The following SORCS3 variants were observed in gnomAD, a reference collection of about 807,000 sequenced individuals.
SORCS3 encodes VPS10 domain-containing receptor SorCS3.
In SORCS3, 57 loss-of-function variants were observed where a neutral mutation model predicts 146.3. The observed-to-expected ratio is 0.39, with a 90% CI of 0.31 to 0.49. The LOEUF (loss-of-function observed/expected upper bound fraction) is 0.49. SORCS3 is among the 20% of genes least tolerant of loss of function. The pLI, the probability that SORCS3 is intolerant of heterozygous loss-of-function variation, is 0.92. For synonymous variants in SORCS3, 653 were observed against 618.5 expected, an observed-to-expected ratio of 1.06 and a Z score of -0.83; for missense variants, 1,341 against 1,575.5, an observed-to-expected ratio of 0.85 and a Z score of 2.52.
chr10:104,659,589 C>T (rs2015675153), intron 1 of SORCS3, among the ~76,000 whole-genome samples: 1 of 152,142 alleles, frequency 6.6e-6, no homozygotes, highest in African/African-American at 2.4e-5. Context: ...AGGACCTGAT[C>T]TTGAATCTTA....
At chr10:105,160,469 A>G (rs1222196093) in intron 11 of SORCS3, among the ~76,000 whole-genome samples, 1 of 152,098 alleles carries the variant, frequency 6.6e-6, no homozygotes, top group African/African-American at 2.4e-5. Context: ...TCTACCAAAA[A>G]TACAAAAATT....
intron 18 of SORCS3, among the ~76,000 whole-genome samples, chr10:105,216,253 G>A (rs1463707996): frequency 6.6e-6 from 1 of 152,170 alleles, no homozygotes; most frequent in African/African-American, 2.4e-5. Context: ...TTCATCTGTA[G>A]AATGGGAATC....
intron 1 of SORCS3, among the ~76,000 whole-genome samples, chr10:104,826,426 A>G (rs1410822710): frequency 1.3e-5 from 2 of 152,242 alleles, no homozygotes; most frequent in Admixed American, 6.5e-5. Flanking sequence ...GTCCACCACA[A>G]TAAGGTGAAT....
chr10:104,955,232 T>C (rs1472728151), intron 3 of SORCS3, among the ~76,000 whole-genome samples: 1 of 152,164 alleles, frequency 6.6e-6, no homozygotes, highest in African/African-American at 2.4e-5. Context: ...TCCTGCAGAT[T>C]TCCCTATTCT....
At chr10:104,767,655 C>T (rs1392185019) in intron 1 of SORCS3, among the ~76,000 whole-genome samples, 4 of 133,610 alleles carry the variant, frequency 3.0e-5, no homozygotes, top group African/African-American at 1.1e-4. Flanking sequence ...TTCCACTCCC[C>T]GTTCCCCTTC....
chr10:105,163,932 C>T (rs940680333), intron 11 of SORCS3, among the ~76,000 whole-genome samples: 1 of 144,720 alleles, frequency 6.9e-6, no homozygotes, highest in South Asian at 2.2e-4. Flanking sequence ...CAGTTTTTCT[C>T]AGGCTCCTAT....
At chr10:105,219,968 A>C (rs1280437453) in intron 19 of SORCS3, among the ~76,000 whole-genome samples, 1 of 152,132 alleles carries the variant, frequency 6.6e-6, no homozygotes, top group East Asian at 1.9e-4. Context: ...TCATGGCTGC[A>C]TTTTCCAGAT....
Position 104,802,341 on chromosome 10 carries a change from AG to A in SORCS3, c.628-40448del, listed in dbSNP as rs1260718524. Among the ~76,000 whole-genome samples the A allele has an allele frequency of 2.0e-5, 3 of 152,236 alleles. No homozygotes were observed. In the East Asian group the frequency reaches 5.8e-4, roughly 29 times the overall value. On this transcript the variant is annotated intron_variant, in intron 1 of 26. Coordinates refer to ENST00000369701, the MANE Select transcript of SORCS3 (RefSeq NM_014978.3). ...AGCCACAACAAAGATGAGATTTTAT[AG>A]GGTTTATACAAAGTTGATTTTTCAA...
chr10:104,748,605 C>T (rs2016943169), intron 1 of SORCS3, among the ~76,000 whole-genome samples: 1 of 152,148 alleles, frequency 6.6e-6, no homozygotes, highest in Non-Finnish European at 1.5e-5. Flanking sequence ...GTAATCCCAG[C>T]ACTTTGGGAG....
chr10:104,975,624 C>G (rs2054891607), intron 3 of SORCS3, among the ~76,000 whole-genome samples: 1 of 152,158 alleles, frequency 6.6e-6, no homozygotes, highest in African/African-American at 2.4e-5. Context: ...GCCAAAAGAA[C>G]AAAGCTGGAG....
At chr10:105,247,144 G>C in intron 21 of SORCS3, 75 bp from the exon 22 acceptor site, 1 of 681,496 alleles carries the variant, frequency 1.5e-6, no homozygotes, top group Non-Finnish European at 2.5e-6. Context: ...CACAGTGATG[G>C]TGGAGCTCCA....
At chr10:105,142,599 C>A (rs1346619006) in intron 8 of SORCS3, among the ~76,000 whole-genome samples, 1 of 152,164 alleles carries the variant, frequency 6.6e-6, no homozygotes, top group East Asian at 1.9e-4. Flanking sequence ...AACAGCCCCC[C>A]TTAACAGCCC....
intron 1 of SORCS3, among the ~76,000 whole-genome samples, chr10:104,730,900 A>G (rs1461985314): frequency 8.5e-5 from 13 of 152,210 alleles, no homozygotes; most frequent in Admixed American, 8.5e-4. Flanking sequence ...CCCTTGACAC[A>G]TGGAGATTAT....
At chr10:104,669,888 C>T (rs1259308013) in intron 1 of SORCS3, among the ~76,000 whole-genome samples, 1 of 148,998 alleles carries the variant, frequency 6.7e-6, no homozygotes, top group Non-Finnish European at 1.5e-5. Context: ...CTCACCAACA[C>T]TTTCTGTTTT....
intron 2 of SORCS3, among the ~76,000 whole-genome samples, chr10:104,876,323 A>ACTGTCAC (rs2018570993): frequency 6.6e-6 from 1 of 152,174 alleles, no homozygotes; most frequent in African/African-American, 2.4e-5. Context: ...TTATTTTAAT[A>ACTGTCAC]CTGTCACCCT....
At chr10:104,848,053 G>A (rs1159085036) in intron 2 of SORCS3, among the ~76,000 whole-genome samples, 1 of 151,990 alleles carries the variant, frequency 6.6e-6, no homozygotes, top group Non-Finnish European at 1.5e-5. Context: ...TCAAGGGCAG[G>A]GACCGTGTGC....
chr10:104,721,409 C>A (rs919413977), intron 1 of SORCS3, among the ~76,000 whole-genome samples: 1 of 152,100 alleles, frequency 6.6e-6, no homozygotes. Context: ...GTCAGGTAGC[C>A]TGATGCGACC....
intron 2 of SORCS3, among the ~76,000 whole-genome samples, chr10:104,867,115 A>G (rs545052927): frequency 1.3e-5 from 2 of 152,260 alleles, no homozygotes; most frequent in Non-Finnish European, 2.9e-5. Context: ...GACAACAGAC[A>G]GTAGATAAGT....
intron 1 of SORCS3, among the ~76,000 whole-genome samples, chr10:104,706,164 C>A (rs547803418): frequency 1.0e-4 from 15 of 147,226 alleles, no homozygotes; most frequent in South Asian, 4.3e-4. Flanking sequence ...TGTTTGGAGA[C>A]TAGAGTTTCT....
Sources: gnomAD v4.1 joint callset for allele counts (sites outside exome capture counted in the v4.1 genomes callset) on GRCh38, gnomAD v4.1.1 for gene constraint, MANE v1.5 for transcripts, NCBI Gene and HGNC (gene_info 2026-07-23, HGNC 2026-07-21) for gene names.